Variants in CPXM2 observed in about 807,000 individuals in gnomAD.
The protein encoded by CPXM2 is inactive carboxypeptidase-like protein X2.
Under a neutral mutation model 86.1 loss-of-function variants are expected in CPXM2, and 66 were observed. The ratio of observed to expected loss-of-function variants is 0.77; its 90% CI spans 0.63 to 0.94. The LOEUF (loss-of-function observed/expected upper bound fraction) is 0.94. Among genes scored for constraint, CPXM2 ranks in the 40% least tolerant of loss-of-function variants. The probability of loss-of-function intolerance (pLI) is 0.00; values close to 1 mark genes in which losing one functional copy is unlikely to be tolerated. For missense variants in CPXM2, 948 were observed against 1,026.3 expected (o/e 0.92, Z 1.04); for synonymous variants, 388 against 400.2 (o/e 0.97, Z 0.36).
upstream of CPXM2, among the ~76,000 whole-genome samples, chr10:123,944,061 G>A (rs1224415128): frequency 6.6e-6 from 1 of 152,188 alleles, no homozygotes; most frequent in Admixed American, 6.5e-5. Flanking sequence ...CAAGGTTAAA[G>A]TGTCCATGAT....
intron 1 of CPXM2, among the ~76,000 whole-genome samples, chr10:123,890,293 G>T (rs1444309752): frequency 6.6e-6 from 1 of 152,240 alleles, no homozygotes; most frequent in Non-Finnish European, 1.5e-5. Context: ...CCCATTCAAA[G>T]TTGTCCACAA....
intron 2 of CPXM2, among the ~76,000 whole-genome samples, chr10:123,916,785 T>C (rs1443480442): frequency 6.6e-6 from 1 of 152,144 alleles, no homozygotes; most frequent in Non-Finnish European, 1.5e-5. Context: ...TCTCTTTTTT[T>C]TTTTTCTTTT....
At chr10:123,861,126 G>A (rs1848840824) in intron 3 of CPXM2, among the ~76,000 whole-genome samples, 1 of 152,138 alleles carries the variant, frequency 6.6e-6, no homozygotes, top group African/African-American at 2.4e-5. Flanking sequence ...GCTGCCCCTA[G>A]CACATTTACA....
intron 2 of CPXM2, chr10:123,939,466 CTG>C (rs1175901320): frequency 6.6e-6 from 1 of 152,194 alleles, no homozygotes; most frequent in Non-Finnish European, 1.5e-5. Context: ...CATCCTGTCT[CTG>C]TTACTGACCT....
chr10:123,760,039 A>G (rs2133984056), intron 11 of CPXM2, among the ~76,000 whole-genome samples: 1 of 152,354 alleles, frequency 6.6e-6, no homozygotes, highest in Non-Finnish European at 1.5e-5. Context: ...GAATCTGCAG[A>G]CTTCATCACA....
In CPXM2 at chr10:123,870,683, C is replaced by T. The variant is rs544993584; in HGVS notation, c.404-7960G>A. ...GCCAATCTCAGCCTTACCTAGTCGT[C>T]CTTGGAAAGCTCTTTAACACCCACC... On this transcript the variant is annotated intron_variant, in intron 2 of 13. Coordinates refer to ENST00000241305, the MANE Select transcript of CPXM2 (RefSeq NM_198148.3). 2.0e-5 allele frequency among the ~76,000 whole-genome samples: 3 copies of T among 152,270 alleles called. No homozygotes were observed. The South Asian group carries it at 6.2e-4, about 32-fold the overall frequency.
At chr10:123,909,305 G>T (rs560256834) in intron 2 of CPXM2, among the ~76,000 whole-genome samples, 9 of 152,332 alleles carry the variant, frequency 5.9e-5, no homozygotes, top group African/African-American at 2.2e-4. Flanking sequence ...CTCGCCCTCA[G>T]CAAGTCCACC....
intron 2 of CPXM2, among the ~76,000 whole-genome samples, chr10:123,911,490 G>A (rs998048435): frequency 6.6e-5 from 10 of 151,628 alleles, no homozygotes; most frequent in Non-Finnish European, 1.3e-4. Flanking sequence ...TTAGGTTGGT[G>A]CAAAAGTAAT....
At chr10:123,854,190 C>T (rs947762700) in intron 3 of CPXM2, among the ~76,000 whole-genome samples, 5 of 150,396 alleles carry the variant, frequency 3.3e-5, no homozygotes, top group East Asian at 2.0e-4. Flanking sequence ...ACACAGGCTC[C>T]GGGGGTGACT....
intron 6 of CPXM2, among the ~76,000 whole-genome samples, chr10:123,791,487 C>G (rs1166008545): frequency 2.0e-5 from 3 of 152,200 alleles, no homozygotes; most frequent in African/African-American, 7.2e-5. Flanking sequence ...AGGGGAGGAT[C>G]CTTCCCTGCT....
At chr10:123,781,027 G>C (rs1480236640) in intron 6 of CPXM2, among the ~76,000 whole-genome samples, 1 of 152,212 alleles carries the variant, frequency 6.6e-6, no homozygotes, top group Non-Finnish European at 1.5e-5. Context: ...GATGACTTCC[G>C]TGATGTGGAT....
rs529725794 is a variant in CPXM2, at chr10:123,828,733, T to C, written c.653+13616A>G. Among the ~76,000 whole-genome samples the C allele has an allele frequency of 3.9e-5, 6 of 152,274 alleles. No individual in the cohort carries two copies. In the South Asian group the frequency reaches 1.0e-3, roughly 26 times the overall value. On this transcript the variant is annotated intron_variant, in intron 4 of 13. Transcript: ENST00000241305. ...ATAAAAATTAACTCAAAATGGATAA[T>C]AGCATTAAATGTAAAACATAAAACA...
In CPXM2 at chr10:123,882,781, A is replaced by AC. The variant is rs375484959; in HGVS notation, c.305-2473dup. Among the ~76,000 whole-genome samples, 615 of 137,384 alleles carry AC rather than the reference A, an allele frequency of 4.5e-3. 6 individuals carry two copies. The highest frequency in any genetic ancestry group is 6.3e-3 in the Non-Finnish European group (402 of 63,548). The allele number at this position is 137,384 out of a possible 152,430, so 90.1% of individuals were successfully genotyped here. A position where few individuals can be genotyped will look rare whatever the true frequency, so the allele number is the denominator to read the frequency against. Reference sequence around the variant, plus strand: ...AGCTTCCAATGACATGGCCTAGGCAACCCCCCCCCACCATAACACCATGGC... The same window carrying AC: ...AGCTTCCAATGACATGGCCTAGGCAACCCCCCCCCCACCATAACACCATGGC... On this transcript the variant is annotated intron_variant, in intron 1 of 13. Coordinates refer to ENST00000241305, the MANE Select transcript of CPXM2 (RefSeq NM_198148.3).
At chr10:123,923,186 A>G (rs1285313500) in intron 2 of CPXM2, among the ~76,000 whole-genome samples, 11 of 145,192 alleles carry the variant, frequency 7.6e-5, no homozygotes, top group Admixed American at 6.6e-4. Context: ...GATGTCGTGG[A>G]AAAGAAAAAG....
intron 3 of CPXM2, among the ~76,000 whole-genome samples, chr10:123,851,594 C>G (rs1848598914): frequency 1.3e-5 from 2 of 152,018 alleles, no homozygotes; most frequent in Non-Finnish European, 2.9e-5. Context: ...ACAGTGAAAC[C>G]CCAGCTCTAC....
At chr10:123,881,229 T>TCCCCCCCCCCCCCCCC (rs1564811040) in intron 1 of CPXM2, among the ~76,000 whole-genome samples, 2 of 89,682 alleles carry the variant, frequency 2.2e-5, no homozygotes, top group Admixed American at 9.2e-5. Context: ...TGGAGCACCC[T>TCCCCCCCCCCCCCCCC]TCTCTTCCCT....
chr10:123,750,391 G>A (rs1426302767), intron 13 of CPXM2: 1 of 973,488 alleles, frequency 1.0e-6, no homozygotes. Context: ...TCTTCCTTTT[G>A]TTCCTTGATT....
At position 123,812,942 on chromosome 10, in the gene CPXM2, T is replaced by C. The variant is rs540892387; in HGVS notation, c.654-13743A>G. Among the ~76,000 whole-genome samples the C allele has an allele frequency of 7.9e-5, 12 of 152,308 alleles. No homozygotes were observed. In the East Asian group the frequency reaches 2.1e-3, roughly 27 times the overall value. ...TAGTTGCATGGCAGGTTCATGAGCA[T>C]TGGTTTTATTGTAACGCTTAATACC... On this transcript the variant is annotated intron_variant, in intron 4 of 13. Transcript: ENST00000241305.
At chr10:123,941,209 G>A (rs1310136765), upstream of CPXM2, among the ~76,000 whole-genome samples, 1 of 152,144 alleles carries the variant, frequency 6.6e-6, no homozygotes, top group Non-Finnish European at 1.5e-5. Flanking sequence ...AAAATAAAAT[G>A]GAAATGTATT....
Sources: gnomAD v4.1 joint callset for allele counts (sites outside exome capture counted in the v4.1 genomes callset) on GRCh38, gnomAD v4.1.1 for gene constraint, MANE v1.5 for transcripts, NCBI Gene and HGNC (gene_info 2026-07-23, HGNC 2026-07-21) for gene names.